The following ITPR1 variants were observed in gnomAD, a reference collection of about 807,000 sequenced individuals.
ITPR1 encodes the protein inositol 1,4,5-trisphosphate-gated calcium channel ITPR1.
A neutral mutation model predicts 318.4 loss-of-function variants in ITPR1; 96 were observed. The ratio of observed to expected loss-of-function variants is 0.30; its 90% CI spans 0.26 to 0.36. ITPR1 has a LOEUF of 0.36. ITPR1 is among the 10% of genes least tolerant of loss of function. The probability of loss-of-function intolerance (pLI) is 1.00; values close to 1 mark genes in which losing one functional copy is unlikely to be tolerated. For synonymous variants in ITPR1, 1,312 were observed against 1,289.9 expected (o/e 1.02, Z -0.37); for missense variants, 2,440 against 3,460.2 (o/e 0.71, Z 7.40).
rs2093400964 is a variant in ITPR1 at position 4,644,119 on chromosome 3, G to A, written c.526-17G>A. The A allele has an allele frequency of 6.4e-7, 1 of 1,567,052 alleles. No homozygotes were observed. Among genetic ancestry groups the A allele is most frequent in the Non-Finnish European group, 8.8e-7 (1 of 1,141,838 alleles). ...TATCAGTTTTGTGCAAAGCTCTATT[G>A]CTCCTTTCCATTCCAGGTGGTCATA... On this transcript the variant is annotated splice_polypyrimidine_tract_variant and intron_variant, in intron 7 of 61. Coordinates refer to ENST00000649015, the MANE Select transcript of ITPR1 (RefSeq NM_001378452.1).
chr3:4,589,976 C>T (rs1213153701), intron 4 of ITPR1, among the ~76,000 whole-genome samples: 1 of 152,248 alleles, frequency 6.6e-6, no homozygotes, highest in African/African-American at 2.4e-5. Flanking sequence ...TCCCTGCACA[C>T]AGCAAACTCA....
chr3:4,643,042 A>T (rs1280893009), intron 7 of ITPR1, among the ~76,000 whole-genome samples: 1 of 152,238 alleles, frequency 6.6e-6, no homozygotes, highest in East Asian at 1.9e-4. Flanking sequence ...TAAATTTACA[A>T]GCTTTGGGAA....
intron 60 of ITPR1, chr3:4,831,127 T>TCACACACACACACACACACACACACA (rs879186803): frequency 2.4e-5 from 8 of 336,708 alleles, no homozygotes; most frequent in African/African-American, 8.6e-5. Flanking sequence ...TCTCTCTCTC[T>TCACACACACACACACACACACACACA]CTCTCACACA....
At chr3:4,757,411 G>A (rs115880238) in intron 44 of ITPR1, among the ~76,000 whole-genome samples, 1,833 of 152,236 alleles carry the variant, frequency 0.012, 36 homozygotes, top group African/African-American at 0.042. Flanking sequence ...TGTACCTTCT[G>A]CCACTATTCT....
intron 60 of ITPR1, chr3:4,831,285 A>T: frequency 3.2e-6 from 1 of 311,420 alleles, no homozygotes; most frequent in Non-Finnish European, 6.4e-6. Context: ...CCTAGAAAAG[A>T]ACTAACCAGA....
Position 4,770,975 on chromosome 3 carries a change from C to T in ITPR1, c.5979+2211C>T, listed in dbSNP as rs369653268. On this transcript the variant is annotated intron_variant, in intron 46 of 61. Transcript: ENST00000649015. Reference sequence around the variant, plus strand: ...TGCTGAGCGGCTGAGCTTGGCATCTCTGTGGCTGGGAGTGGGGGAATCCTG... The same window carrying T: ...TGCTGAGCGGCTGAGCTTGGCATCTTTGTGGCTGGGAGTGGGGGAATCCTG... Among the ~76,000 whole-genome samples, 11 of 152,186 alleles carry T rather than the reference C, an allele frequency of 7.2e-5. No homozygotes were observed. In the East Asian group the frequency reaches 7.7e-4, roughly 11 times the overall value.
chr3:4,555,975 T>G (rs2086084456), intron 4 of ITPR1, among the ~76,000 whole-genome samples: 2 of 152,232 alleles, frequency 1.3e-5, no homozygotes, highest in African/African-American at 4.8e-5. Context: ...TCTGTGCTCG[T>G]AGACACTGCG....
At chr3:4,600,182 T>G (rs543122506) in intron 4 of ITPR1, among the ~76,000 whole-genome samples, 2 of 152,322 alleles carry the variant, frequency 1.3e-5, no homozygotes, top group South Asian at 2.1e-4. Flanking sequence ...TTTTAAAAAT[T>G]TTACCTCTGT....
At chr3:4,794,881 G>T in intron 52 of ITPR1, 184 bp from the exon 53 acceptor site, 1 of 618,780 alleles carries the variant, frequency 1.6e-6, no homozygotes. Context: ...ACTCCACACA[G>T]AAATAAACCA....
chr3:4,781,960 G>T (rs896129605), intron 49 of ITPR1, among the ~76,000 whole-genome samples: 3 of 152,194 alleles, frequency 2.0e-5, no homozygotes, highest in African/African-American at 7.2e-5. Context: ...TCCAGCCTGG[G>T]TGACAGAGCA....
At chr3:4,520,991 A>C (rs781672998) in intron 3 of ITPR1, 33 bp from the exon 4 acceptor site, 2 of 1,546,052 alleles carry the variant, frequency 1.3e-6, no homozygotes, top group Non-Finnish European at 1.8e-6. Flanking sequence ...ATTTTCATAC[A>C]CTTGACAGAG....
At chr3:4,828,847 A>G (rs2050250104) in intron 60 of ITPR1, among the ~76,000 whole-genome samples, 1 of 152,212 alleles carries the variant, frequency 6.6e-6, no homozygotes, top group African/African-American at 2.4e-5. Flanking sequence ...TCAGAGCTCA[A>G]AAACAGAACC....
At chr3:4,672,037 T>C (rs1293331502) in intron 20 of ITPR1, among the ~76,000 whole-genome samples, 1 of 152,246 alleles carries the variant, frequency 6.6e-6, no homozygotes. Context: ...TAATTTGGAC[T>C]GTTGGATGAT....
At chr3:4,580,805 G>A (rs1047319892) in intron 4 of ITPR1, among the ~76,000 whole-genome samples, 3 of 150,906 alleles carry the variant, frequency 2.0e-5, no homozygotes, top group African/African-American at 2.5e-5. Flanking sequence ...GAATGGGGCC[G>A]CCTCTTGGGG....
intron 2 of ITPR1, among the ~76,000 whole-genome samples, chr3:4,495,567 C>A (rs1049217298): frequency 3.9e-5 from 6 of 152,154 alleles, no homozygotes; most frequent in Non-Finnish European, 7.3e-5. Flanking sequence ...AGGCCCAGTT[C>A]CCCTTTTCAG....
chr3:4,735,796 G>T (rs1003360841), intron 44 of ITPR1, among the ~76,000 whole-genome samples: 1 of 152,186 alleles, frequency 6.6e-6, no homozygotes, highest in Admixed American at 6.5e-5. Flanking sequence ...CACAGCTGTT[G>T]CTTCTGATAA....
intron 54 of ITPR1, among the ~76,000 whole-genome samples, chr3:4,805,192 A>G (rs1192632464): frequency 6.6e-6 from 1 of 152,222 alleles, no homozygotes; most frequent in Non-Finnish European, 1.5e-5. Context: ...CAGCTGATAC[A>G]GGGGCTCACA....
chr3:4,814,336 G>A, intron 57 of ITPR1, 87 bp from the exon 58 acceptor site: 1 of 1,338,044 alleles, frequency 7.5e-7, no homozygotes, highest in Non-Finnish European at 1.1e-6. Context: ...TGCCTGGTGA[G>A]ATGGCATTCA....
chr3:4,727,894 T>G lies in ITPR1; in HGVS notation c.5220+721T>G, dbSNP rs570195404. ...CCCAGCCCCACTAATGTTTTAATAT[T>G]TCCTTCTACCTATTTTTTATACACA... On this transcript the variant is annotated intron_variant, in intron 42 of 61. Coordinates refer to ENST00000649015, the MANE Select transcript of ITPR1 (RefSeq NM_001378452.1). 2.0e-5 allele frequency among the ~76,000 whole-genome samples: 3 copies of G among 152,314 alleles called. No individual in the cohort carries two copies. In the East Asian group the frequency reaches 5.8e-4, roughly 29 times the overall value.
Sources: gnomAD v4.1 joint callset for allele counts (sites outside exome capture counted in the v4.1 genomes callset) on GRCh38, gnomAD v4.1.1 for gene constraint, MANE v1.5 for transcripts, NCBI Gene and HGNC (gene_info 2026-07-23, HGNC 2026-07-21) for gene names.